GPC5: variants seen among roughly 807,000 people sequenced by gnomAD.
GPC5 encodes glypican 5, also known as glypican-5.
Under a neutral mutation model 53.9 loss-of-function variants are expected in GPC5, and 47 were observed. The ratio of observed to expected loss-of-function variants is 0.87; its 90% confidence interval spans 0.69 to 1.11. The LOEUF (loss-of-function observed/expected upper bound fraction) is 1.11. GPC5 is among the 50% of genes most tolerant of loss of function. GPC5 has a pLI of 0.00. For missense variants in GPC5, 748 were observed against 713.1 expected (o/e 1.05, Z -0.56); for synonymous variants, 286 against 263.3 (o/e 1.09, Z -0.84).
intron 7 of GPC5, among the ~76,000 whole-genome samples, chr13:92,409,952 T>C (rs374352823): frequency 6.6e-6 from 1 of 152,196 alleles, no homozygotes; most frequent in Non-Finnish European, 1.5e-5. Flanking sequence ...CTCCTTTTTA[T>C]GTAAAAATAA....
At chr13:92,864,329 C>G (rs1432904561) in intron 7 of GPC5, among the ~76,000 whole-genome samples, 1 of 152,136 alleles carries the variant, frequency 6.6e-6, no homozygotes, top group Admixed American at 6.6e-5. Context: ...CAGAAAAGCT[C>G]TCCTGCCATT....
intron 6 of GPC5, among the ~76,000 whole-genome samples, chr13:92,006,039 T>A (rs978572247): frequency 6.6e-6 from 1 of 152,066 alleles, no homozygotes; most frequent in Admixed American, 6.6e-5. Context: ...TGAAAGAAAA[T>A]ATATTTTCCT....
chr13:92,554,683 A>C (rs1162513763), intron 7 of GPC5, among the ~76,000 whole-genome samples: 3 of 151,266 alleles, frequency 2.0e-5, no homozygotes, highest in Non-Finnish European at 4.4e-5. Context: ...AAAGAGAAAA[A>C]CTATACAACT....
intron 7 of GPC5, among the ~76,000 whole-genome samples, chr13:92,288,805 G>A (rs977662432): frequency 2.0e-5 from 3 of 152,088 alleles, no homozygotes; most frequent in African/African-American, 7.2e-5. Context: ...TATTATTTTA[G>A]TTCTTTATGC....
intron 2 of GPC5, among the ~76,000 whole-genome samples, chr13:91,549,242 C>T (rs535723910): frequency 6.8e-6 from 1 of 147,420 alleles, no homozygotes; most frequent in East Asian, 2.0e-4. Flanking sequence ...GTATTCCAGC[C>T]TGGGCAACAA....
intron 6 of GPC5, among the ~76,000 whole-genome samples, chr13:92,135,244 T>C (rs139692410): frequency 3.3e-5 from 5 of 152,284 alleles, no homozygotes; most frequent in African/African-American, 1.2e-4. Flanking sequence ...ACAAATTTTT[T>C]TCAGGTCCTT....
chr13:91,586,243 A>G (rs1232906258), intron 2 of GPC5, among the ~76,000 whole-genome samples: 3 of 150,572 alleles, frequency 2.0e-5, no homozygotes, highest in Non-Finnish European at 3.0e-5. Context: ...AGTTTCCATG[A>G]TATAATCTTT....
chr13:92,136,652 A>C (rs188052556), intron 6 of GPC5, among the ~76,000 whole-genome samples: 2 of 152,314 alleles, frequency 1.3e-5, no homozygotes, highest in East Asian at 3.9e-4. Context: ...AAAAATGGAG[A>C]TGTATCATTA....
chr13:91,656,712 C>G (rs1385685231), intron 2 of GPC5, among the ~76,000 whole-genome samples: 1 of 152,122 alleles, frequency 6.6e-6, no homozygotes, highest in East Asian at 1.9e-4. Flanking sequence ...CACGACTGGC[C>G]TAAAGCAAAA....
chr13:92,514,628 G>A (rs1022682245), intron 7 of GPC5, among the ~76,000 whole-genome samples: 3 of 152,124 alleles, frequency 2.0e-5, no homozygotes, highest in Non-Finnish European at 4.4e-5. Context: ...AGCAGAGACT[G>A]GGGCCTCCAT....
intron 6 of GPC5, among the ~76,000 whole-genome samples, chr13:91,965,742 G>A (rs186942787): frequency 1.3e-5 from 2 of 152,244 alleles, no homozygotes; most frequent in South Asian, 2.1e-4. Context: ...TCACTTCATC[G>A]TTATGGAGTT....
intron 7 of GPC5, among the ~76,000 whole-genome samples, chr13:92,605,629 C>CCGGACTG (rs1358950157): frequency 2.7e-5 from 4 of 149,422 alleles, no homozygotes; most frequent in Non-Finnish European, 4.4e-5. Flanking sequence ...GTCGCCCAGG[C>CCGGACTG]CGGACTGCGG....
intron 7 of GPC5, among the ~76,000 whole-genome samples, chr13:92,371,761 A>G (rs965107925): frequency 1.3e-5 from 2 of 152,198 alleles, no homozygotes; most frequent in African/African-American, 4.8e-5. Flanking sequence ...CCATGATTCA[A>G]TTACTTACAC....
intron 6 of GPC5, among the ~76,000 whole-genome samples, chr13:91,920,040 T>C (rs1002733302): frequency 6.6e-6 from 1 of 152,118 alleles, no homozygotes; most frequent in Non-Finnish European, 1.5e-5. Flanking sequence ...AATTTCCAGA[T>C]AGCCTCTAAT....
At chr13:91,721,146 G>T (rs1227073360) in intron 3 of GPC5, among the ~76,000 whole-genome samples, 1 of 131,776 alleles carries the variant, frequency 7.6e-6, no homozygotes, top group African/African-American at 2.9e-5. Context: ...TCTTTTTTTG[G>T]GTGGGGGGAC....
intron 7 of GPC5, among the ~76,000 whole-genome samples, chr13:92,709,290 C>T (rs1370066654): frequency 6.6e-6 from 1 of 151,308 alleles, no homozygotes; most frequent in East Asian, 1.9e-4. Flanking sequence ...AACTCCTGAC[C>T]TCAAGTGATC....
At chr13:92,770,451 T>G (rs988710686) in intron 7 of GPC5, among the ~76,000 whole-genome samples, 3 of 151,130 alleles carry the variant, frequency 2.0e-5, no homozygotes, top group African/African-American at 7.3e-5. Flanking sequence ...AAAAACATGC[T>G]TACAACCACA....
chr13:91,464,439 T>C (rs1056094399), intron 2 of GPC5, among the ~76,000 whole-genome samples: 1 of 152,164 alleles, frequency 6.6e-6, no homozygotes, highest in Admixed American at 6.6e-5. Flanking sequence ...TCATAGCAGC[T>C]TTATTTGTAG....
At chr13:91,641,118 G>A (rs527809208) in intron 2 of GPC5, among the ~76,000 whole-genome samples, 2 of 152,124 alleles carry the variant, frequency 1.3e-5, no homozygotes, top group Non-Finnish European at 2.9e-5. Flanking sequence ...ACGAGGTCAG[G>A]AGATCGAGAC....
Sources: gnomAD v4.1 joint callset for allele counts (sites outside exome capture counted in the v4.1 genomes callset) on GRCh38, gnomAD v4.1.1 for gene constraint, MANE v1.5 for transcripts, NCBI Gene and HGNC (gene_info 2026-07-23, HGNC 2026-07-21) for gene names.